Variants in ZNF419 observed in about 807,000 individuals in gnomAD.
ZNF419 encodes zinc finger protein 419.
In ZNF419, 8 loss-of-function variants were observed where a neutral mutation model predicts 14.9. The ratio of observed to expected loss-of-function variants is 0.54; its 90% CI spans 0.32 to 0.97. The LOEUF (loss-of-function observed/expected upper bound fraction) is 0.97. Among genes scored for constraint, ZNF419 ranks in the 50% least tolerant of loss-of-function variants. ZNF419 has a pLI of 0.04. For synonymous variants in ZNF419, 211 were observed against 205.3 expected, an observed-to-expected ratio of 1.03 and a Z score of -0.24; for missense variants, 595 against 607.2, an observed-to-expected ratio of 0.98 and a Z score of 0.21.
In ZNF419 at chr19:57,487,780, A is replaced by C; in HGVS notation, c.-171A>C. The C allele has an allele frequency of 2.0e-5, 18 of 890,292 alleles. No homozygotes were observed. In the South Asian group the frequency reaches 2.8e-4, roughly 14 times the overall value. 55.1% of individuals were successfully genotyped at this position (890,292 alleles called of 1,614,324 possible). On this transcript the variant is annotated 5_prime_UTR_variant, in exon 1 of 5. Transcript: ENST00000221735. ...TCACTTTCGCGACTCAGGTGAACTA[A>C]CCTGCGAGAAGCTGGTTGTGCGCTG...
At chr19:57,488,299 C>G (rs944080285) in intron 1 of ZNF419, 4 of 466,578 alleles carry the variant, frequency 8.6e-6, no homozygotes, top group African/African-American at 2.0e-5. Flanking sequence ...GGGCTGGAGA[C>G]AGAAGAGTGA....
At chr19:57,488,473 T>TC (rs1446862264) in intron 1 of ZNF419, 1 of 158,844 alleles carries the variant, frequency 6.3e-6, no homozygotes, top group Non-Finnish European at 1.4e-5. Flanking sequence ...AGATCTTGGA[T>TC]GGATATCAAA....
Position 57,491,526 on chromosome 19 carries a change from T to A in ZNF419, c.128T>A (p.Leu43Ter), listed in dbSNP as rs372960635. The A allele has an allele frequency of 6.2e-7, 1 of 1,614,082 alleles. No individual in the cohort carries two copies. Among genetic ancestry groups the A allele is most frequent in the East Asian group, 2.2e-5 (1 of 44,870 alleles). The change falls in exon 3 of 5, where the codon TTG becomes TAG. Residue 43 changes from leucine to a stop codon, truncating the protein, a stop_gained. Transcript: ENST00000221735. LOFTEE classifies it high-confidence loss of function. ...TACTTCTCCCAGGAGGAATGGAGAT[T>A]GCTTGATGACGCTCAGAGGCTCCTC... is the stretch of plus-strand genomic sequence containing the variant. ...AVYFSQEEWR[L>*]LDDAQRLLYR...
At chr19:57,491,396 G>T in intron 2 of ZNF419, 75 bp from the exon 3 acceptor site, 1 of 1,592,028 alleles carries the variant, frequency 6.3e-7, no homozygotes, top group Non-Finnish European at 8.6e-7. Flanking sequence ...GTGAGCAGGG[G>T]TGGATGTTTA....
chr19:57,489,454 A>G (rs1239206806), intron 1 of ZNF419: 1 of 152,024 alleles, frequency 6.6e-6, no homozygotes, highest in African/African-American at 2.4e-5. Context: ...AAGTTTAAGA[A>G]ACCCATATTT....
Position 57,493,073 on chromosome 19 carries a change from A to G in ZNF419, c.516A>G (p.Ser172=). The change falls in exon 5 of 5, where the codon TCA becomes TCG. Residue 172 remains serine (S), a synonymous_variant. Coordinates refer to ENST00000221735, the MANE Select transcript of ZNF419 (RefSeq NM_024691.4). The stretch of plus-strand genomic sequence containing the variant: ...TTGGGAAGGCCCTCCTGATCAGCTC[A>G]GGTGTTCTCAAGCACCAGGTGACTC... ...REVGKALLIS[S]GVLKHQVTHT... The G allele has an allele frequency of 6.2e-7, 1 of 1,614,060 alleles. No individual in the cohort carries two copies.
At chr19:57,490,869 G>A (rs1443580796) in intron 2 of ZNF419, 1 of 160,438 alleles carries the variant, frequency 6.2e-6, no homozygotes, top group African/African-American at 2.4e-5. Flanking sequence ...CCTGATATGT[G>A]TGCAATTCCA....
rs1481851596 is a variant in ZNF419, at chr19:57,494,072, C to T, written c.1515C>T (p.His505=). The change falls in exon 5 of 5, where the codon CAC becomes CAT. Residue 505 remains histidine, a synonymous_variant. Transcript: ENST00000221735. ...NSSLFKHRRI[H]TGEMQ Reference sequence around the variant, plus strand: ...GTCTTTTTAAACATCGAAGGATTCACACTGGAGAAATGCAGTGATTGTGTG... The same window carrying T: ...GTCTTTTTAAACATCGAAGGATTCATACTGGAGAAATGCAGTGATTGTGTG... 4 of 1,605,314 alleles carry T rather than the reference C, an allele frequency of 2.5e-6. No homozygotes were observed. The highest frequency in any genetic ancestry group is 1.7e-4 in the Middle Eastern group (1 of 6,024).
Position 57,493,934 on chromosome 19 carries a change from A to G in ZNF419, c.1377A>G (p.Glu459=). Residue 459 remains glutamate (E), a synonymous_variant, in exon 5 of 5, where the codon GAA becomes GAG. Coordinates refer to ENST00000221735, the MANE Select transcript of ZNF419 (RefSeq NM_024691.4). ...GAGAAAAGCCTTTTAAGTGCAATGAATGTGGGAGATTGTTTAGAGAGAATT... is the reference window on the plus strand; with the variant it reads ...GAGAAAAGCCTTTTAAGTGCAATGAGTGTGGGAGATTGTTTAGAGAGAATT... ...HIGEKPFKCN[E]CGRLFRENSS... 1 of 1,614,014 alleles carries G rather than the reference A, an allele frequency of 6.2e-7. No individual in the cohort carries two copies. Among genetic ancestry groups the G allele is most frequent in the Non-Finnish European group, 8.5e-7 (1 of 1,180,008 alleles).
chr19:57,488,163 C>G, intron 1 of ZNF419, 180 bp downstream of exon 1: 1 of 939,238 alleles, frequency 1.1e-6, no homozygotes, highest in Admixed American at 2.7e-5. Flanking sequence ...GAGGCGCATT[C>G]AGCGAGTCCC....
Position 57,493,556 on chromosome 19 carries a change from T to G in ZNF419, c.999T>G (p.His333Gln). The part of the protein sequence containing the change: ...LFSFNSSLMK[H>Q]QRIHTGERPY... The stretch of plus-strand genomic sequence containing the variant: ...GTTTCAACTCCAGCCTCATGAAACA[T>G]CAGAGAATTCACACTGGAGAAAGAC... The change falls in exon 5 of 5, where the codon CAT becomes CAG. Residue 333 changes from histidine (H) to glutamine (Q), a missense_variant. Transcript: ENST00000221735. 2 of 1,608,082 alleles carry G rather than the reference T, an allele frequency of 1.2e-6. No individual in the cohort carries two copies. The highest frequency in any genetic ancestry group is 1.7e-6 in the Non-Finnish European group (2 of 1,175,068).
At position 57,491,299 on chromosome 19, in the gene ZNF419, T is replaced by A. The variant is rs757684987; in HGVS notation, c.73-172T>A. On this transcript the variant is annotated intron_variant, in intron 2 of 4. Coordinates refer to ENST00000221735, the MANE Select transcript of ZNF419 (RefSeq NM_024691.4). ...GGACTTTATCTGCCTACCTGCCTAT[T>A]GTTGCTCAGTGGGAGCATGAGGAGA... is the stretch of plus-strand genomic sequence containing the variant. 1.8e-4 allele frequency: 173 copies of A among 941,162 alleles called. 1 individual carries two copies. Among genetic ancestry groups the A allele is most frequent in the Non-Finnish European group, 2.6e-4 (164 of 623,334 alleles). The allele number at this position is 941,162 out of a possible 1,614,324, so 58.3% of individuals were successfully genotyped here. A position where few individuals can be genotyped will look rare whatever the true frequency, so the allele number is the denominator to read the frequency against.
Position 57,492,997 on chromosome 19 carries a change from T to G in ZNF419, c.440T>G (p.Leu147Trp). ...AGACAAGAGGGCAGGGTCCCAGTTT[T>G]GAGGAGTTGCAAAGTTCACCTATCA... ...LKRQEGRVPV[L>W]RSCKVHLSEK... Residue 147 changes from leucine to tryptophan, a missense_variant, in exon 5 of 5, where the codon TTG becomes TGG. Leu to Trp is a moderately conservative substitution (Grantham distance 61). Transcript: ENST00000221735. The G allele has an allele frequency of 3.7e-6, 6 of 1,614,118 alleles. No individual in the cohort carries two copies. The highest frequency in any genetic ancestry group is 5.1e-6 in the Non-Finnish European group (6 of 1,180,028).
At chr19:57,488,296 AGACAGAAGAGT>A in intron 1 of ZNF419, 1 of 473,568 alleles carries the variant, frequency 2.1e-6, no homozygotes. Flanking sequence ...GGAGGGCTGG[AGACAGAAGAGT>A]GACAAGATCT....
intron 4 of ZNF419, chr19:57,492,574 C>G: frequency 2.7e-6 from 2 of 751,826 alleles, no homozygotes; most frequent in South Asian, 2.7e-5. Flanking sequence ...AGCCAAAGTC[C>G]TGTGGAAAGC....
intron 1 of ZNF419, chr19:57,489,815 C>T: frequency 4.5e-6 from 1 of 221,080 alleles, no homozygotes; most frequent in Non-Finnish European, 9.0e-6. Context: ...GAAAACCTAC[C>T]AGTTTATTTG....
chr19:57,492,787 C>T (rs1312011968), intron 4 of ZNF419, 69 bp from the exon 5 acceptor site: 1 of 1,595,868 alleles, frequency 6.3e-7, no homozygotes, highest in Non-Finnish European at 8.6e-7. Flanking sequence ...GTGTTAGACA[C>T]ATCTGTGAGA....
At chr19:57,489,178 A>G (rs1339622586) in intron 1 of ZNF419, 2 of 152,286 alleles carry the variant, frequency 1.3e-5, no homozygotes, top group Non-Finnish European at 2.9e-5. Flanking sequence ...AGGGGAGTAT[A>G]TAGCAGGCAG....
At position 57,492,461 on chromosome 19, in the gene ZNF419, G is replaced by T. The variant is rs375313171; in HGVS notation, c.298+250G>T. On this transcript the variant is annotated intron_variant, in intron 4 of 4. Coordinates refer to ENST00000221735, the MANE Select transcript of ZNF419 (RefSeq NM_024691.4). ...CTTTCACTGAATGTGTGGTGAGGTG[G>T]ATGCTTATCCTTGCATAGTCCTTGA... 98 of 768,574 alleles carry T rather than the reference G, an allele frequency of 1.3e-4. 1 individual carries two copies. Among genetic ancestry groups the T allele is most frequent in the Non-Finnish European group, 1.6e-4 (66 of 420,978 alleles). 47.6% of individuals were successfully genotyped at this position (768,574 alleles called of 1,614,324 possible).
Sources: gnomAD v4.1 joint callset for allele counts on GRCh38, gnomAD v4.1.1 for gene constraint, MANE v1.5 for transcripts, NCBI Gene and HGNC (gene_info 2026-07-23, HGNC 2026-07-21) for gene names.